The following KCNU1 variants were observed in gnomAD, a reference collection of about 807,000 sequenced individuals.
KCNU1 encodes the protein potassium calcium-activated channel subfamily U member 1.
A neutral mutation model predicts 126.8 loss-of-function variants in KCNU1; 93 were observed. The ratio of observed to expected loss-of-function variants is 0.73; its 90% CI spans 0.62 to 0.87. The LOEUF (loss-of-function observed/expected upper bound fraction) is 0.87. Among genes scored for constraint, KCNU1 ranks in the 40% least tolerant of loss-of-function variants. The pLI, the probability that KCNU1 is intolerant of heterozygous loss-of-function variation, is 0.00. For missense variants in KCNU1, 1,330 were observed against 1,367.1 expected (o/e 0.97, Z 0.43); for synonymous variants, 523 against 494.2 (o/e 1.06, Z -0.77).
chr8:36,814,590 G>T (rs1464452623), intron 8 of KCNU1, among the ~76,000 whole-genome samples: 1 of 152,092 alleles, frequency 6.6e-6, no homozygotes. Flanking sequence ...AGGGATGAAG[G>T]ATAGTAGGCA....
chr8:36,816,315 G>A (rs143823184), intron 9 of KCNU1, among the ~76,000 whole-genome samples: 2,235 of 151,924 alleles, frequency 0.015, 55 homozygotes, highest in African/African-American at 0.05. Context: ...TGTTACCTTA[G>A]CTTCCATTAG....
rs1806160776 is a variant in KCNU1, at chr8:36,873,095, C to CA, written c.2009+8576dup. 1.1e-4 allele frequency among the ~76,000 whole-genome samples: 16 copies of CA among 152,308 alleles called. No individual in the cohort carries two copies. In the South Asian group the frequency reaches 2.9e-3, roughly 28 times the overall value. On this transcript the variant is annotated intron_variant, in intron 19 of 26. Transcript: ENST00000399881. The stretch of plus-strand genomic sequence containing the variant: ...ATTCCATCTCAAAAAATAAACTAAC[C>CA]AACCAAACAAACAAAAAACCCCAAC...
intron 2 of KCNU1, among the ~76,000 whole-genome samples, chr8:36,802,721 C>T (rs1803357548): frequency 6.6e-6 from 1 of 152,136 alleles, no homozygotes; most frequent in Non-Finnish European, 1.5e-5. Flanking sequence ...TTCCTCTTCC[C>T]CTTCCCCTGG....
At chr8:36,822,220 A>G (rs923834298) in intron 10 of KCNU1, among the ~76,000 whole-genome samples, 1 of 152,086 alleles carries the variant, frequency 6.6e-6, no homozygotes, top group African/African-American at 2.4e-5. Flanking sequence ...AAAAATAAAT[A>G]CACACACATC....
At chr8:36,921,540 A>C (rs1295708792) in intron 23 of KCNU1, among the ~76,000 whole-genome samples, 1 of 151,654 alleles carries the variant, frequency 6.6e-6, no homozygotes, top group Non-Finnish European at 1.5e-5. Flanking sequence ...TTAGCCGGAC[A>C]TGGTGGTACA....
At chr8:36,794,592 T>C (rs541116074) in intron 2 of KCNU1, among the ~76,000 whole-genome samples, 5 of 152,050 alleles carry the variant, frequency 3.3e-5, no homozygotes, top group Non-Finnish European at 5.9e-5. Flanking sequence ...TCTCATAAAC[T>C]TTTTCTGGTA....
rs148344028 is a variant in KCNU1 at position 36,785,107 on chromosome 8, A to G, written c.195+502A>G. On this transcript the variant is annotated intron_variant, in intron 1 of 26. Coordinates refer to ENST00000399881, the MANE Select transcript of KCNU1 (RefSeq NM_001031836.3). ...TGCACATACACAGAGAAGCCCATGC[A>G]TACATGCCTGTGCCATCCAGGCATA... is the stretch of plus-strand genomic sequence containing the variant. Among the ~76,000 whole-genome samples, 82 of 152,378 alleles carry G rather than the reference A, an allele frequency of 5.4e-4. 1 individual carries two copies. The East Asian group carries it at 0.015, about 28-fold the overall frequency.
At chr8:36,843,054 C>T (rs535888833) in intron 16 of KCNU1, among the ~76,000 whole-genome samples, 1 of 152,288 alleles carries the variant, frequency 6.6e-6, no homozygotes, top group Non-Finnish European at 1.5e-5. Context: ...AGAATTCTTT[C>T]TCAAGTCTCC....
chr8:36,926,291 C>A (rs192440394), intron 24 of KCNU1, among the ~76,000 whole-genome samples: 280 of 152,262 alleles, frequency 1.8e-3, no homozygotes, highest in Middle Eastern at 6.8e-3. Context: ...ATCAACTGCC[C>A]CTCCAGAAAT....
At chr8:36,881,360 CT>C (rs1475813151) in intron 19 of KCNU1, among the ~76,000 whole-genome samples, 1 of 152,112 alleles carries the variant, frequency 6.6e-6, no homozygotes, top group Non-Finnish European at 1.5e-5. Context: ...GTAACTAGTA[CT>C]ACAGTCATGA....
At chr8:36,895,842 AC>A (rs1756210528) in intron 19 of KCNU1, among the ~76,000 whole-genome samples, 1 of 152,116 alleles carries the variant, frequency 6.6e-6, no homozygotes, top group Non-Finnish European at 1.5e-5. Flanking sequence ...CAACATAATG[AC>A]ATACTAAAAG....
At chr8:36,838,407 G>A (rs1004319071) in intron 14 of KCNU1, among the ~76,000 whole-genome samples, 6 of 152,176 alleles carry the variant, frequency 3.9e-5, no homozygotes, top group African/African-American at 1.4e-4. Flanking sequence ...TTAAAGAGTT[G>A]TGGCCAGGTG....
At chr8:36,902,089 G>T (rs962408770) in intron 19 of KCNU1, among the ~76,000 whole-genome samples, 1 of 152,128 alleles carries the variant, frequency 6.6e-6, no homozygotes, top group Non-Finnish European at 1.5e-5. Context: ...TTAAGGGATG[G>T]TGATGTAAAT....
chr8:36,825,972 A>G (rs1016562230), intron 10 of KCNU1, among the ~76,000 whole-genome samples: 1 of 152,068 alleles, frequency 6.6e-6, no homozygotes, highest in Non-Finnish European at 1.5e-5. Flanking sequence ...GTTGTATGTT[A>G]TAATTTTCCT....
At position 36,877,337 on chromosome 8, in the gene KCNU1, T is replaced by C. The variant is rs187172866; in HGVS notation, c.2009+12816T>C. 1.2e-3 allele frequency among the ~76,000 whole-genome samples: 186 copies of C among 151,700 alleles called. 1 individual carries two copies. Among genetic ancestry groups the C allele is most frequent in the African/African-American group, 4.3e-3 (178 of 41,344 alleles). The stretch of plus-strand genomic sequence containing the variant: ...TTTTTTTTGAGATGGAGTTTCACTC[T>C]TGTCGCCCAGGCTAGAGTGCAATGG... On this transcript the variant is annotated intron_variant, in intron 19 of 26. Coordinates refer to ENST00000399881, the MANE Select transcript of KCNU1 (RefSeq NM_001031836.3).
At chr8:36,879,330 CAT>C (rs1806392684) in intron 19 of KCNU1, among the ~76,000 whole-genome samples, 1 of 149,176 alleles carries the variant, frequency 6.7e-6, no homozygotes, top group African/African-American at 2.5e-5. Flanking sequence ...TATAAAATTA[CAT>C]GTTTGCCATA....
chr8:36,824,203 A>G (rs557578274), intron 10 of KCNU1, among the ~76,000 whole-genome samples: 1 of 152,332 alleles, frequency 6.6e-6, no homozygotes, highest in East Asian at 1.9e-4. Context: ...GTGATTATAA[A>G]GTGAACATCC....
intron 16 of KCNU1, among the ~76,000 whole-genome samples, chr8:36,841,646 A>C (rs542558176): frequency 6.6e-6 from 1 of 152,274 alleles, no homozygotes; most frequent in African/African-American, 2.4e-5. Flanking sequence ...CAGTGAGCTG[A>C]GTTCACACCA....
intron 18 of KCNU1, among the ~76,000 whole-genome samples, chr8:36,860,631 G>A (rs1237138972): frequency 6.6e-6 from 1 of 152,166 alleles, no homozygotes; most frequent in Non-Finnish European, 1.5e-5. Context: ...ATGTGATAGA[G>A]TAGAGGGAAT....
Sources: allele counts gnomAD v4.1 joint callset (sites outside exome capture counted in the v4.1 genomes callset), GRCh38; gene constraint gnomAD v4.1.1; transcripts MANE v1.5; gene names NCBI Gene and HGNC (gene_info 2026-07-23, HGNC 2026-07-21).